PLPPR1: variants seen among roughly 807,000 people sequenced by gnomAD.
PLPPR1 encodes the protein phospholipid phosphatase related 1.
In PLPPR1, 10 loss-of-function variants were observed where a neutral mutation model predicts 33.1. That is an observed-to-expected ratio of 0.30 (90% CI 0.19 to 0.51). PLPPR1 has a LOEUF of 0.51. Ranked by LOEUF, PLPPR1 falls within the 20% of genes least tolerant of loss-of-function variation. The pLI, the probability that PLPPR1 is intolerant of heterozygous loss-of-function variation, is 0.97. For synonymous variants in PLPPR1, 151 were observed against 151.0 expected (o/e 1.00, Z 0.00); for missense variants, 304 against 408.1 (o/e 0.74, Z 2.20).
chr9:101,250,474 T>C (rs1196522962), intron 2 of PLPPR1, among the ~76,000 whole-genome samples: 1 of 152,068 alleles, frequency 6.6e-6, no homozygotes, highest in African/African-American at 2.4e-5. Flanking sequence ...GAAATTTGGC[T>C]CTCCTTAATT....
rs139589107 is a variant in PLPPR1, at chr9:101,060,011, C to T, written c.-46+30909C>T. On this transcript the variant is annotated intron_variant, in intron 1 of 7. Coordinates refer to ENST00000374874, the MANE Select transcript of PLPPR1 (RefSeq NM_207299.2). ...TGAAATAAGTATGTTGAAAAGATAC[C>T]TGTATTTTCATGTTCATTGCAGCAT... 1.7e-4 allele frequency among the ~76,000 whole-genome samples: 26 copies of T among 152,110 alleles called. No homozygotes were observed. In the East Asian group the frequency reaches 4.8e-3, roughly 28 times the overall value.
At chr9:101,074,410 A>G (rs78828559) in intron 1 of PLPPR1, among the ~76,000 whole-genome samples, 2,196 of 152,264 alleles carry the variant, frequency 0.014, 64 homozygotes, top group African/African-American at 0.05. Context: ...AGCTTACCCA[A>G]CATGACCCAG....
At chr9:101,159,074 C>T (rs761395004) in intron 1 of PLPPR1, among the ~76,000 whole-genome samples, 13 of 152,214 alleles carry the variant, frequency 8.5e-5, no homozygotes, top group Non-Finnish European at 1.3e-4. Context: ...CCCCATCTTA[C>T]ATATGCAATT....
Position 101,324,077 on chromosome 9 carries a change from G to A in PLPPR1, c.*20G>A. ...ACCTGAGACGACTGATGTGTCACAA[G>A]CTGTTTTTTAAAATCATCTTCCAAT... On this transcript the variant is annotated 3_prime_UTR_variant, in exon 8 of 8. Coordinates refer to ENST00000374874, the MANE Select transcript of PLPPR1 (RefSeq NM_207299.2). The A allele has an allele frequency of 3.1e-6, 5 of 1,604,882 alleles. No individual in the cohort carries two copies. The highest frequency in any genetic ancestry group is 4.3e-6 in the Non-Finnish European group (5 of 1,172,418).
intron 2 of PLPPR1, among the ~76,000 whole-genome samples, chr9:101,230,950 T>C (rs1008206088): frequency 1.3e-5 from 2 of 151,978 alleles, no homozygotes; most frequent in African/African-American, 4.8e-5. Context: ...TCTGGATCTA[T>C]TGAATAAAAA....
At chr9:101,177,671 A>C (rs1016054057) in intron 1 of PLPPR1, among the ~76,000 whole-genome samples, 14 of 148,368 alleles carry the variant, frequency 9.4e-5, no homozygotes, top group African/African-American at 3.4e-4. Flanking sequence ...GTGAAACAAA[A>C]AATATTATTT....
chr9:101,042,574 C>G (rs886920086), intron 1 of PLPPR1, among the ~76,000 whole-genome samples: 2 of 152,114 alleles, frequency 1.3e-5, no homozygotes, highest in African/African-American at 4.8e-5. Context: ...TCAAAGAGAC[C>G]TGCTACTGAA....
intron 2 of PLPPR1, among the ~76,000 whole-genome samples, chr9:101,196,068 T>C (rs751215661): frequency 2.0e-5 from 3 of 152,222 alleles, no homozygotes; most frequent in Non-Finnish European, 2.9e-5. Flanking sequence ...GATGCATTTT[T>C]CTGTCACTGA....
At chr9:101,089,239 A>C (rs772251416) in intron 1 of PLPPR1, among the ~76,000 whole-genome samples, 34 of 152,148 alleles carry the variant, frequency 2.2e-4, no homozygotes, top group Non-Finnish European at 4.0e-4. Context: ...AGATGTTCAA[A>C]AAGTTAAGGG....
intron 1 of PLPPR1, among the ~76,000 whole-genome samples, chr9:101,138,818 A>G (rs1402449279): frequency 1.3e-5 from 2 of 152,174 alleles, no homozygotes; most frequent in Admixed American, 6.6e-5. Flanking sequence ...TAAAGCTAAA[A>G]AGTGGCAGAA....
intron 1 of PLPPR1, among the ~76,000 whole-genome samples, chr9:101,164,143 A>T (rs1348643991): frequency 6.6e-6 from 1 of 152,088 alleles, no homozygotes; most frequent in South Asian, 2.1e-4. Flanking sequence ...TACAGAGAAG[A>T]AGTTGATGTG....
At chr9:101,115,091 C>G (rs1588034453) in intron 1 of PLPPR1, among the ~76,000 whole-genome samples, 1 of 152,150 alleles carries the variant, frequency 6.6e-6, no homozygotes, top group South Asian at 2.1e-4. Flanking sequence ...GATTTTGCTG[C>G]CTTCTCACAT....
At chr9:101,072,858 T>C (rs1449707391) in intron 1 of PLPPR1, among the ~76,000 whole-genome samples, 1 of 152,204 alleles carries the variant, frequency 6.6e-6, no homozygotes, top group Non-Finnish European at 1.5e-5. Context: ...AGTTCTTGCA[T>C]CCATATGAAA....
intron 1 of PLPPR1, among the ~76,000 whole-genome samples, chr9:101,175,726 T>C (rs1280381040): frequency 1.3e-5 from 2 of 152,178 alleles, no homozygotes; most frequent in Non-Finnish European, 2.9e-5. Flanking sequence ...TATGGTATTT[T>C]GAAACCTTTG....
intron 1 of PLPPR1, among the ~76,000 whole-genome samples, chr9:101,114,198 A>G (rs1300566609): frequency 6.6e-6 from 1 of 152,212 alleles, no homozygotes; most frequent in Non-Finnish European, 1.5e-5. Flanking sequence ...ATTTCATTGA[A>G]CACTGTTCTA....
intron 4 of PLPPR1, among the ~76,000 whole-genome samples, chr9:101,289,082 T>G (rs964299221): frequency 3.3e-4 from 50 of 152,320 alleles, no homozygotes; most frequent in African/African-American, 1.2e-3. Context: ...TCTCCCATCA[T>G]GCTAAACGGC....
At chr9:101,198,972 A>C (rs1826446542) in intron 2 of PLPPR1, among the ~76,000 whole-genome samples, 1 of 152,176 alleles carries the variant, frequency 6.6e-6, no homozygotes, top group Admixed American at 6.5e-5. Flanking sequence ...AGCATTCTTG[A>C]ATATTTTGAG....
At chr9:101,090,440 T>C (rs879367225) in intron 1 of PLPPR1, among the ~76,000 whole-genome samples, 6 of 152,216 alleles carry the variant, frequency 3.9e-5, no homozygotes, top group Admixed American at 3.3e-4. Flanking sequence ...TGAAAAACTG[T>C]GTGCACACAC....
intron 1 of PLPPR1, among the ~76,000 whole-genome samples, chr9:101,158,388 G>T (rs1034957419): frequency 3.3e-5 from 5 of 152,270 alleles, no homozygotes; most frequent in African/African-American, 1.2e-4. Context: ...AAGGTGATAG[G>T]ACCAGAATTC....
Sources: gnomAD v4.1 joint callset for allele counts (sites outside exome capture counted in the v4.1 genomes callset) on GRCh38, gnomAD v4.1.1 for gene constraint, MANE v1.5 for transcripts, NCBI Gene and HGNC (gene_info 2026-07-23, HGNC 2026-07-21) for gene names.